The following MRPS14 variants were observed in gnomAD, a reference collection of about 807,000 sequenced individuals.
MRPS14 encodes small ribosomal subunit protein uS14m.
MRPS14 carries 14 observed loss-of-function variants against 16.4 expected under a neutral mutation model. The ratio of observed to expected loss-of-function variants is 0.85; its 90% CI spans 0.56 to 1.33. MRPS14 has a LOEUF of 1.33. Ranked by LOEUF, MRPS14 falls within the 40% of genes most tolerant of loss-of-function variation. The pLI is 0.00. For synonymous variants in MRPS14, 54 were observed against 61.9 expected, an observed-to-expected ratio of 0.87 and a Z score of 0.60; for missense variants, 162 against 176.8, an observed-to-expected ratio of 0.92 and a Z score of 0.48.
chr1:175,014,391 G>T lies in MRPS14; in HGVS notation c.*278C>A. Reference sequence around the variant, plus strand: ...GTTACTAAAAGATTAAACTTAAAAGGAGGGTATAAAAAACATTCACAGAAA... The same window carrying T: ...GTTACTAAAAGATTAAACTTAAAAGTAGGGTATAAAAAACATTCACAGAAA... On this transcript the variant is annotated 3_prime_UTR_variant, in exon 3 of 3. Transcript: ENST00000476371. 4.9e-6 allele frequency: 2 copies of T among 411,600 alleles called. No homozygotes were observed. Among genetic ancestry groups the T allele is most frequent in the Non-Finnish European group, 4.3e-6 (1 of 234,564 alleles). The allele number at this position is 411,600 out of a possible 1,614,324, so 25.5% of individuals were successfully genotyped here.
At chr1:175,014,918 C>G in intron 2 of MRPS14, 67 bp from the exon 3 acceptor site, 2 of 1,377,364 alleles carry the variant, frequency 1.5e-6, no homozygotes, top group South Asian at 1.3e-5. Flanking sequence ...CTCCTTCTCA[C>G]TTGCAGGTAA....
chr1:175,021,098 T>C (rs1672971415), intron 1 of MRPS14, among the ~76,000 whole-genome samples: 1 of 152,232 alleles, frequency 6.6e-6, no homozygotes, highest in African/African-American at 2.4e-5. Flanking sequence ...TAACTGGGCC[T>C]AGAGGTGGGA....
In MRPS14 at chr1:175,015,308, T is replaced by C. The variant is rs542635929; in HGVS notation, c.205-457A>G. Among the ~76,000 whole-genome samples, 3 of 152,328 alleles carry C rather than the reference T, an allele frequency of 2.0e-5. No individual in the cohort carries two copies. In the East Asian group the frequency reaches 5.8e-4, roughly 29 times the overall value. ...ATTCATTTATCCATCCTACATTTGA[T>C]GGTCATCTTACGATTTGGGCGAATA... is the stretch of plus-strand genomic sequence containing the variant. On this transcript the variant is annotated intron_variant, in intron 2 of 2. Coordinates refer to ENST00000476371, the MANE Select transcript of MRPS14 (RefSeq NM_022100.3).
At chr1:175,021,252 C>A (rs1346321964) in intron 1 of MRPS14, among the ~76,000 whole-genome samples, 1 of 152,164 alleles carries the variant, frequency 6.6e-6, no homozygotes, top group Admixed American at 6.5e-5. Flanking sequence ...CCCTGCCACT[C>A]CCTTTCATTT....
chr1:175,022,306 T>C (rs74128535), intron 1 of MRPS14, among the ~76,000 whole-genome samples: 32,421 of 152,074 alleles, frequency 0.21, 3,635 homozygotes, highest in Admixed American at 0.25. Flanking sequence ...ATTTCTTATT[T>C]TTTAAATGTG....
chr1:175,014,652 T>C lies in MRPS14; in HGVS notation c.*17A>G. 2 of 1,580,828 alleles carry C rather than the reference T, an allele frequency of 1.3e-6. No individual in the cohort carries two copies. Among genetic ancestry groups the C allele is most frequent in the East Asian group, 2.2e-5 (1 of 44,528 alleles). On this transcript the variant is annotated 3_prime_UTR_variant, in exon 3 of 3. Coordinates refer to ENST00000476371, the MANE Select transcript of MRPS14 (RefSeq NM_022100.3). ...AAGCTTGGCTTCCCTGCAAGCTCAA[T>C]AGGTTCTGGAGCTCATTTACCATGT... is the stretch of plus-strand genomic sequence containing the variant.
At chr1:175,019,171 G>A (rs1450622903) in intron 1 of MRPS14, among the ~76,000 whole-genome samples, 3 of 152,066 alleles carry the variant, frequency 2.0e-5, no homozygotes, top group Non-Finnish European at 4.4e-5. Context: ...AACCTGCCAC[G>A]TATTGCTGGA....
chr1:175,014,816 C>T lies in MRPS14; in HGVS notation c.240G>A (p.Arg80=). Reference sequence around the variant, plus strand: ...TTCTGATTCTAACAGGACAGCTATCCCGGGGGAGGGCAGCAATTTCTTCAT... The same window carrying T: ...TTCTGATTCTAACAGGACAGCTATCTCGGGGGAGGGCAGCAATTTCTTCAT... ...VADEEIAALP[R]DSCPVRIRNR... The change falls in exon 3 of 3, where the codon CGG becomes CGA. Residue 80 remains arginine, a synonymous_variant. Transcript: ENST00000476371. 1 of 1,614,004 alleles carries T rather than the reference C, an allele frequency of 6.2e-7. No individual in the cohort carries two copies. The highest frequency in any genetic ancestry group is 8.5e-7 in the Non-Finnish European group (1 of 1,179,982).
At chr1:175,015,319 C>G (rs934221213) in intron 2 of MRPS14, among the ~76,000 whole-genome samples, 1 of 152,162 alleles carries the variant, frequency 6.6e-6, no homozygotes, top group African/African-American at 2.4e-5. Flanking sequence ...GGTCATCTTA[C>G]GATTTGGGCG....
In MRPS14 at chr1:175,013,432, A is replaced by G. The variant is rs1050583726; in HGVS notation, c.*1237T>C. 2 of 152,170 alleles carry G rather than the reference A, an allele frequency of 1.3e-5. No individual in the cohort carries two copies. The highest frequency in any genetic ancestry group is 2.9e-5 in the Non-Finnish European group (2 of 68,048). 9.4% of individuals were successfully genotyped at this position (152,170 alleles called of 1,614,324 possible). ...CCAGAGAACCATCTTTACCTCTTAG[A>G]TATAATCAGTCTTGTAAGTCTTGCC... On this transcript the variant is annotated 3_prime_UTR_variant, in exon 3 of 3. Coordinates refer to ENST00000476371, the MANE Select transcript of MRPS14 (RefSeq NM_022100.3).
intron 2 of MRPS14, 103 bp from the exon 3 acceptor site, chr1:175,014,954 T>G (rs1672854293): frequency 9.0e-7 from 1 of 1,106,396 alleles, no homozygotes; most frequent in Non-Finnish European, 1.3e-6. Flanking sequence ...TTTTTTTTTT[T>G]GAGACAGAGT....
intron 1 of MRPS14, among the ~76,000 whole-genome samples, chr1:175,022,106 A>G (rs879529520): frequency 9.9e-5 from 15 of 152,154 alleles, no homozygotes; most frequent in Non-Finnish European, 1.9e-4. Context: ...TGGTAGAACT[A>G]TATTTCCCAT....
chr1:175,014,444 T>C lies in MRPS14; in HGVS notation c.*225A>G. 2.1e-6 allele frequency: 1 copy of C among 473,046 alleles called. No homozygotes were observed. The highest frequency in any genetic ancestry group is 3.2e-5 in the East Asian group (1 of 30,894). 29.3% of individuals were successfully genotyped at this position (473,046 alleles called of 1,614,324 possible). ...ATTTATTATGCTACTCTTTGTACTA[T>C]GTATGGGAACAGTATGTTTGTTAAG... On this transcript the variant is annotated 3_prime_UTR_variant, in exon 3 of 3. Transcript: ENST00000476371.
intron 1 of MRPS14, among the ~76,000 whole-genome samples, chr1:175,019,430 C>T (rs75818601): frequency 0.19 from 28,195 of 151,918 alleles, 3,077 homozygotes; most frequent in Admixed American, 0.24. Context: ...TACAGGTGCC[C>T]GCCACCACAC....
intron 2 of MRPS14, among the ~76,000 whole-genome samples, chr1:175,017,467 A>G (rs1254781988): frequency 6.6e-6 from 1 of 152,212 alleles, no homozygotes; most frequent in Non-Finnish European, 1.5e-5. Context: ...AGACAAGACT[A>G]AAAAGAAACC....
intron 2 of MRPS14, 30 bp from the exon 3 acceptor site, chr1:175,014,881 A>G (rs771059078): frequency 6.3e-7 from 1 of 1,596,726 alleles, no homozygotes; most frequent in South Asian, 1.1e-5. Flanking sequence ...TACACAGATC[A>G]CATTACATTG....
intron 1 of MRPS14, among the ~76,000 whole-genome samples, chr1:175,019,873 A>C (rs895105881): frequency 2.8e-4 from 42 of 152,242 alleles, no homozygotes; most frequent in African/African-American, 9.6e-4. Context: ...GATGTTTATA[A>C]ATGAAATATA....
intron 2 of MRPS14, among the ~76,000 whole-genome samples, chr1:175,015,789 C>T (rs535244311): frequency 4.6e-5 from 7 of 152,178 alleles, no homozygotes; most frequent in South Asian, 2.1e-4. Context: ...TGCTAGACTG[C>T]GGTGCAAGCA....
chr1:175,020,522 T>A (rs928972140), intron 1 of MRPS14, among the ~76,000 whole-genome samples: 6 of 152,210 alleles, frequency 3.9e-5, no homozygotes, highest in Admixed American at 1.3e-4. Context: ...TTCCCCCTTT[T>A]TTTGAGACGG....
Sources: allele counts gnomAD v4.1 joint callset (sites outside exome capture counted in the v4.1 genomes callset), GRCh38; gene constraint gnomAD v4.1.1; transcripts MANE v1.5; gene names NCBI Gene and HGNC (gene_info 2026-07-23, HGNC 2026-07-21).